Variants in ZNF248 observed in about 807,000 individuals in gnomAD.
ZNF248 encodes the protein KRAB protein domain.
A neutral mutation model predicts 44.3 loss-of-function variants in ZNF248; 20 were observed. The observed-to-expected ratio is 0.45, with a 90% CI of 0.32 to 0.66. The LOEUF (loss-of-function observed/expected upper bound fraction) is 0.66, where lower values mean the gene tolerates loss of function less well. Ranked by LOEUF, ZNF248 falls within the 30% of genes least tolerant of loss-of-function variation. The pLI is 0.04. For missense variants in ZNF248, 654 were observed against 677.0 expected (o/e 0.97, Z 0.38); for synonymous variants, 224 against 229.0 (o/e 0.98, Z 0.20).
the ZNF248 span, among the ~76,000 whole-genome samples, chr10:37,760,468 C>T: frequency 2.0e-5 from 3 of 152,182 alleles, no homozygotes; most frequent in African/African-American, 7.2e-5. Context: ...ATCTATCCAC[C>T]CACCTTGGCC....
At chr10:37,819,388 T>C (rs2053090812) in intron 6 of ZNF248, 1 of 1,403,734 alleles carries the variant, frequency 7.1e-7, no homozygotes, top group East Asian at 2.3e-5. Context: ...ATTCCCTACA[T>C]GCATGCTTGT....
chr10:37,843,300 C>T (rs1484905298), intron 3 of ZNF248, among the ~76,000 whole-genome samples: 2 of 151,906 alleles, frequency 1.3e-5, no homozygotes, highest in African/African-American at 2.4e-5. Context: ...TGGCGCATGC[C>T]TGTAGTCCCA....
At chr10:37,783,641 G>A (rs1231938896) in intron 6 of ZNF248, among the ~76,000 whole-genome samples, 3 of 152,224 alleles carry the variant, frequency 2.0e-5, no homozygotes, top group Admixed American at 6.5e-5. Context: ...GAATGGATGG[G>A]TTGACATTAG....
At chr10:37,817,046 C>T (rs919423044) in intron 6 of ZNF248, among the ~76,000 whole-genome samples, 16 of 152,054 alleles carry the variant, frequency 1.1e-4, no homozygotes, top group African/African-American at 3.9e-4. Context: ...GCTGTACTAA[C>T]CTGCAATTTA....
chr10:37,775,587 C>G (rs939620450), downstream of ZNF248: 1 of 152,166 alleles, frequency 6.6e-6, no homozygotes, highest in African/African-American at 2.4e-5. Context: ...GTAAATCTGA[C>G]AAGATGTCAC....
intron 6 of ZNF248, among the ~76,000 whole-genome samples, chr10:37,812,472 A>G (rs1051402308): frequency 6.6e-6 from 1 of 152,306 alleles, no homozygotes; most frequent in Admixed American, 6.5e-5. Flanking sequence ...GCTAACACCC[A>G]GCCTTGAAGA....
At chr10:37,844,545 T>A (rs1209444121) in intron 3 of ZNF248, among the ~76,000 whole-genome samples, 1 of 152,208 alleles carries the variant, frequency 6.6e-6, no homozygotes, top group African/African-American at 2.4e-5. Context: ...ATTATAAATC[T>A]ATGTCATTCA....
chr10:37,787,222 T>A (rs546309677), intron 6 of ZNF248, among the ~76,000 whole-genome samples: 11 of 152,120 alleles, frequency 7.2e-5, no homozygotes, highest in African/African-American at 2.7e-4. Context: ...GAGGTTGCAG[T>A]GAGCTGAGAT....
chr10:37,851,234 T>C (rs1195514559), intron 3 of ZNF248, among the ~76,000 whole-genome samples: 1 of 152,150 alleles, frequency 6.6e-6, no homozygotes, highest in Non-Finnish European at 1.5e-5. Flanking sequence ...AAGCAGGACA[T>C]GGATTTACGA....
At chr10:37,846,700 T>C (rs530300015) in intron 3 of ZNF248, among the ~76,000 whole-genome samples, 1 of 152,116 alleles carries the variant, frequency 6.6e-6, no homozygotes, top group South Asian at 2.1e-4. Context: ...GTGGCCCTGA[T>C]GGAAGTACAC....
At chr10:37,821,464 CCT>C (rs1467830777) in intron 6 of ZNF248, among the ~76,000 whole-genome samples, 2 of 152,188 alleles carry the variant, frequency 1.3e-5, no homozygotes, top group Admixed American at 6.5e-5. Flanking sequence ...TGCTCACACC[CCT>C]CAGTCCAGCT....
At chr10:37,833,151 C>T (rs2056310954) in intron 5 of ZNF248, 35 bp from the exon 6 acceptor site, 1 of 1,537,884 alleles carries the variant, frequency 6.5e-7, no homozygotes, top group African/African-American at 1.4e-5. Context: ...TCTTATGAAC[C>T]TTAATACATT....
rs993884724 is a variant in ZNF248 at position 37,845,550 on chromosome 10, A to G, written c.16-7439T>C. On this transcript the variant is annotated intron_variant, in intron 3 of 5. Transcript: ENST00000395867. ...CAACTTTAAAGTAAAAGGAAAAAAC[A>G]AAAACTCAAAGGTAGAATTCTATAT... 1.5e-4 allele frequency among the ~76,000 whole-genome samples: 23 copies of G among 152,158 alleles called. 1 individual carries two copies. The highest frequency in any genetic ancestry group is 1.5e-5 in the Non-Finnish European group (1 of 68,034).
Position 37,830,262 on chromosome 10 carries a change from G to A in ZNF248, c.*1353C>T. 1 of 985,306 alleles carries A rather than the reference G, an allele frequency of 1.0e-6. No individual in the cohort carries two copies. Among genetic ancestry groups the A allele is most frequent in the Non-Finnish European group, 1.2e-6 (1 of 829,928 alleles). The allele number at this position is 985,306 out of a possible 1,614,324, so 61.0% of individuals were successfully genotyped here. On this transcript the variant is annotated 3_prime_UTR_variant, in exon 6 of 6. Transcript: ENST00000395867. The stretch of plus-strand genomic sequence containing the variant: ...CATTTACATTACAGAATGACCCAGA[G>A]GTAGCTGAAAAACCTCAGAAAAGTA...
At chr10:37,814,144 C>A (rs903678967) in intron 6 of ZNF248, among the ~76,000 whole-genome samples, 7 of 152,038 alleles carry the variant, frequency 4.6e-5, no homozygotes, top group Non-Finnish European at 1.0e-4. Context: ...CTAGTAAAAT[C>A]TTTTAATTCC....
chr10:37,830,606 A>G lies in ZNF248; in HGVS notation c.*1009T>C, dbSNP rs2055360819. On this transcript the variant is annotated 3_prime_UTR_variant, in exon 6 of 6. Coordinates refer to ENST00000395867, the MANE Select transcript of ZNF248 (RefSeq NM_021045.3). ...TGTATTGCCAAATACGTTTTCATAT[A>G]TACACAGTGATGTGCTGTAAATATT... The G allele has an allele frequency of 1.0e-6, 1 of 985,092 alleles. No individual in the cohort carries two copies. The highest frequency in any genetic ancestry group is 1.2e-6 in the Non-Finnish European group (1 of 829,754). The allele number at this position is 985,092 out of a possible 1,614,324, so 61.0% of individuals were successfully genotyped here. A position where few individuals can be genotyped will look rare whatever the true frequency, so the allele number is the denominator to read the frequency against.
chr10:37,812,639 G>C (rs147965844), intron 6 of ZNF248, among the ~76,000 whole-genome samples: 3 of 152,060 alleles, frequency 2.0e-5, no homozygotes, highest in African/African-American at 7.2e-5. Flanking sequence ...CTTTGATATT[G>C]AGCATGCCCC....
chr10:37,791,191 G>A (rs1193684339), intron 6 of ZNF248, among the ~76,000 whole-genome samples: 5 of 150,548 alleles, frequency 3.3e-5, no homozygotes, highest in East Asian at 3.9e-4. Flanking sequence ...GCAGGCACCC[G>A]CCACCACGAC....
chr10:37,831,233 T>C lies in ZNF248; in HGVS notation c.*382A>G, dbSNP rs896894690. On this transcript the variant is annotated 3_prime_UTR_variant, in exon 6 of 6. Transcript: ENST00000395867. ...AAATTTATATATTTGCATACTCACA[T>C]AAGGTCTACAAACATCGGGGACTCT... The C allele has an allele frequency of 1.9e-6, 3 of 1,547,818 alleles. No homozygotes were observed. Among genetic ancestry groups the C allele is most frequent in the Non-Finnish European group, 1.7e-6 (2 of 1,145,646 alleles).
Sources: allele counts gnomAD v4.1 joint callset (sites outside exome capture counted in the v4.1 genomes callset), GRCh38; gene constraint gnomAD v4.1.1; transcripts MANE v1.5; gene names NCBI Gene and HGNC (gene_info 2026-07-23, HGNC 2026-07-21).